The following MEOX2 variants were observed in gnomAD, a reference collection of about 807,000 sequenced individuals.
MEOX2 encodes homeobox protein MOX-2.
MEOX2 carries 11 observed loss-of-function variants against 27.0 expected under a neutral mutation model. The observed-to-expected ratio is 0.41, with a 90% CI of 0.26 to 0.68. MEOX2 has a LOEUF of 0.68. Ranked by LOEUF, MEOX2 falls within the 30% of genes least tolerant of loss-of-function variation. The pLI, the probability that MEOX2 is intolerant of heterozygous loss-of-function variation, is 0.33. For missense variants in MEOX2, 436 were observed against 385.4 expected, an observed-to-expected ratio of 1.13 and a Z score of -1.10; for synonymous variants, 189 against 155.4, an observed-to-expected ratio of 1.22 and a Z score of -1.61.
At chr7:15,672,614 A>C (rs548985407) in intron 1 of MEOX2, among the ~76,000 whole-genome samples, 1 of 152,106 alleles carries the variant, frequency 6.6e-6, no homozygotes, top group South Asian at 2.1e-4. Flanking sequence ...AATATTGGGC[A>C]GGTCGCGGTG....
At chr7:15,653,362 T>G (rs1297592566) in intron 1 of MEOX2, among the ~76,000 whole-genome samples, 1 of 152,070 alleles carries the variant, frequency 6.6e-6, no homozygotes, top group Non-Finnish European at 1.5e-5. Flanking sequence ...GAGTTCTTTA[T>G]GTATTTTTGA....
intron 1 of MEOX2, among the ~76,000 whole-genome samples, chr7:15,665,311 T>G (rs1781984298): frequency 6.6e-6 from 1 of 151,974 alleles, no homozygotes; most frequent in Admixed American, 6.6e-5. Context: ...CCTTAATCAA[T>G]CAGCAGCCCT....
intron 2 of MEOX2, among the ~76,000 whole-genome samples, 168 bp from the exon 3 acceptor site, chr7:15,612,779 T>A (rs1463296686): frequency 2.0e-5 from 3 of 152,320 alleles, no homozygotes; most frequent in South Asian, 2.1e-4. Flanking sequence ...TCAGGTTACA[T>A]GTTCATGATA....
chr7:15,622,054 T>G (rs1781230185), intron 2 of MEOX2, among the ~76,000 whole-genome samples: 1 of 152,040 alleles, frequency 6.6e-6, no homozygotes, highest in Admixed American at 6.6e-5. Context: ...GAGGCGGAGG[T>G]TGCAGTGAGC....
intron 1 of MEOX2, among the ~76,000 whole-genome samples, chr7:15,627,965 A>G (rs1004900232): frequency 6.6e-6 from 1 of 152,118 alleles, no homozygotes; most frequent in African/African-American, 2.4e-5. Flanking sequence ...ATTTTTGCAC[A>G]TGTACAAACA....
At chr7:15,624,457 C>T (rs956702956) in intron 2 of MEOX2, among the ~76,000 whole-genome samples, 36 of 152,192 alleles carry the variant, frequency 2.4e-4, no homozygotes, top group African/African-American at 7.7e-4. Flanking sequence ...AGTTTGGTCA[C>T]ATGGCTTGCT....
intron 1 of MEOX2, among the ~76,000 whole-genome samples, chr7:15,671,840 T>A (rs944793256): frequency 1.1e-4 from 16 of 152,134 alleles, no homozygotes; most frequent in African/African-American, 3.9e-4. Flanking sequence ...GCTTATCACT[T>A]GAGGTCAGGA....
At chr7:15,623,779 A>T (rs1172058653) in intron 2 of MEOX2, among the ~76,000 whole-genome samples, 1 of 152,278 alleles carries the variant, frequency 6.6e-6, no homozygotes, top group Non-Finnish European at 1.5e-5. Context: ...CAGAAACATT[A>T]TCCAATACAA....
At chr7:15,668,633 C>T (rs1782047858) in intron 1 of MEOX2, among the ~76,000 whole-genome samples, 1 of 152,092 alleles carries the variant, frequency 6.6e-6, no homozygotes, top group South Asian at 2.1e-4. Context: ...AGGCACCCAC[C>T]ACCACGCTAA....
At chr7:15,634,082 A>G (rs1237263264) in intron 1 of MEOX2, among the ~76,000 whole-genome samples, 1 of 151,930 alleles carries the variant, frequency 6.6e-6, no homozygotes, top group Non-Finnish European at 1.5e-5. Flanking sequence ...GATATCTCCA[A>G]ACATGTTTAC....
At chr7:15,638,623 C>T (rs1362975935) in intron 1 of MEOX2, among the ~76,000 whole-genome samples, 2 of 151,484 alleles carry the variant, frequency 1.3e-5, no homozygotes, top group Non-Finnish European at 2.9e-5. Flanking sequence ...TATTTTTTAC[C>T]CTCTCCTCCT....
chr7:15,657,495 A>G (rs1041336157), intron 1 of MEOX2, among the ~76,000 whole-genome samples: 4 of 151,846 alleles, frequency 2.6e-5, no homozygotes. Flanking sequence ...TTGAGATTTT[A>G]TTTTGGCTAG....
chr7:15,662,617 A>G (rs1195843613), intron 1 of MEOX2, among the ~76,000 whole-genome samples: 1 of 152,168 alleles, frequency 6.6e-6, no homozygotes, highest in Non-Finnish European at 1.5e-5. Context: ...CCCTATAGGA[A>G]TAAGCAGACT....
intron 2 of MEOX2, among the ~76,000 whole-genome samples, chr7:15,616,768 C>T (rs1045053228): frequency 1.1e-4 from 16 of 151,854 alleles, no homozygotes; most frequent in Non-Finnish European, 1.9e-4. Context: ...TCCTTGGTGA[C>T]TTGGGATCTC....
chr7:15,639,071 T>C (rs1285900856), intron 1 of MEOX2, among the ~76,000 whole-genome samples: 1 of 152,028 alleles, frequency 6.6e-6, no homozygotes, highest in African/African-American at 2.4e-5. Context: ...TTCTATAGGA[T>C]ATAAGCTAAT....
At chr7:15,636,342 G>C (rs944528568) in intron 1 of MEOX2, among the ~76,000 whole-genome samples, 5 of 151,830 alleles carry the variant, frequency 3.3e-5, no homozygotes, top group East Asian at 1.9e-4. Flanking sequence ...ATTTTGCTTT[G>C]GTTTCAAAGT....
intron 1 of MEOX2, among the ~76,000 whole-genome samples, chr7:15,637,544 G>A (rs967347359): frequency 1.9e-4 from 29 of 150,672 alleles, no homozygotes; most frequent in Admixed American, 1.1e-3. Flanking sequence ...ACACACACAC[G>A]CACACACACA....
At chr7:15,647,644 TAATG>T (rs1781672718) in intron 1 of MEOX2, among the ~76,000 whole-genome samples, 1 of 152,122 alleles carries the variant, frequency 6.6e-6, no homozygotes, top group African/African-American at 2.4e-5. Flanking sequence ...CGCTGTATAA[TAATG>T]GCAATGCTAG....
At chr7:15,666,163 T>G (rs1445002104) in intron 1 of MEOX2, among the ~76,000 whole-genome samples, 2 of 152,186 alleles carry the variant, frequency 1.3e-5, no homozygotes, top group African/African-American at 2.4e-5. Flanking sequence ...ATAACTTGTT[T>G]CATAATTGTC....
Sources: allele counts gnomAD v4.1 joint callset (sites outside exome capture counted in the v4.1 genomes callset), GRCh38; gene constraint gnomAD v4.1.1; transcripts MANE v1.5; gene names NCBI Gene and HGNC (gene_info 2026-07-23, HGNC 2026-07-21).